The following RORA variants were observed in gnomAD, a reference collection of about 807,000 sequenced individuals.
The protein encoded by RORA is RAR related orphan receptor A, also known as nuclear receptor ROR-alpha.
Under a neutral mutation model 69.5 loss-of-function variants are expected in RORA, and 7 were observed. The ratio of observed to expected loss-of-function variants is 0.10; its 90% CI spans 0.06 to 0.19. The LOEUF is 0.19. Among genes scored for constraint, RORA ranks in the 10% least tolerant of loss-of-function variants. The pLI is 1.00. For synonymous variants in RORA, 261 were observed against 240.8 expected, an observed-to-expected ratio of 1.08 and a Z score of -0.78; for missense variants, 457 against 663.0, an observed-to-expected ratio of 0.69 and a Z score of 3.41.
At chr15:60,996,296 T>C (rs543161829) in intron 1 of RORA, among the ~76,000 whole-genome samples, 21 of 152,204 alleles carry the variant, frequency 1.4e-4, no homozygotes, top group African/African-American at 5.1e-4. Context: ...GGAATCGAAC[T>C]CCTGACCTCA....
At chr15:61,119,286 C>T (rs1182916516) in intron 1 of RORA, among the ~76,000 whole-genome samples, 1 of 152,024 alleles carries the variant, frequency 6.6e-6, no homozygotes, top group South Asian at 2.1e-4. Context: ...GCAACCTCCA[C>T]TTCTGGGCTC....
chr15:60,855,578 C>T (rs1187459054), intron 1 of RORA, among the ~76,000 whole-genome samples: 1 of 151,742 alleles, frequency 6.6e-6, no homozygotes, highest in East Asian at 1.9e-4. Context: ...TGGACCCTTA[C>T]ACTTTATTAT....
chr15:60,987,288 AGGAC>A (rs1894233581), intron 1 of RORA, among the ~76,000 whole-genome samples: 1 of 152,154 alleles, frequency 6.6e-6, no homozygotes, highest in Non-Finnish European at 1.5e-5. Context: ...TCTTTCCTGG[AGGAC>A]GGTCTGTCTA....
chr15:61,122,750 G>C (rs760069181), intron 1 of RORA, among the ~76,000 whole-genome samples: 12 of 152,118 alleles, frequency 7.9e-5, no homozygotes, highest in Non-Finnish European at 1.6e-4. Flanking sequence ...TGCCAAGTGT[G>C]TGGCTAGCAT....
chr15:60,523,051 A>ACAAAAAAAAAACACAC (rs997909734), intron 3 of RORA, among the ~76,000 whole-genome samples: 2 of 87,596 alleles, frequency 2.3e-5, no homozygotes, highest in Non-Finnish European at 4.6e-5. Flanking sequence ...AAAAAAACAC[A>ACAAAAAAAAAACACAC]AAAAAAAAAA....
intron 2 of RORA, among the ~76,000 whole-genome samples, chr15:60,552,351 C>G (rs1449922667): frequency 6.6e-5 from 10 of 152,154 alleles, no homozygotes; most frequent in African/African-American, 2.4e-4. Context: ...AAACCCAAGG[C>G]ATCCCTCGCC....
intron 1 of RORA, among the ~76,000 whole-genome samples, chr15:60,708,353 C>T (rs1177396886): frequency 6.7e-6 from 1 of 148,684 alleles, no homozygotes; most frequent in African/African-American, 2.5e-5. Flanking sequence ...ATCCAGGAGG[C>T]GGAGGTTGCA....
At chr15:60,837,800 G>GA (rs374387488) in intron 1 of RORA, among the ~76,000 whole-genome samples, 69 of 147,246 alleles carry the variant, frequency 4.7e-4, no homozygotes, top group African/African-American at 7.0e-4. Flanking sequence ...CAGGTTGCCA[G>GA]AAAAAAAAAA....
At chr15:60,856,760 G>C (rs1166349054) in intron 1 of RORA, among the ~76,000 whole-genome samples, 1 of 152,214 alleles carries the variant, frequency 6.6e-6, no homozygotes, top group Non-Finnish European at 1.5e-5. Flanking sequence ...GCCTGAATGA[G>C]AAGAGTTTTA....
At chr15:60,715,965 C>G (rs1434509188) in intron 1 of RORA, among the ~76,000 whole-genome samples, 1 of 152,198 alleles carries the variant, frequency 6.6e-6, no homozygotes, top group East Asian at 1.9e-4. Flanking sequence ...CACAAATGAT[C>G]TTACGCTACA....
intron 1 of RORA, among the ~76,000 whole-genome samples, chr15:60,987,160 C>G (rs1275722081): frequency 6.6e-6 from 1 of 152,160 alleles, no homozygotes; most frequent in Non-Finnish European, 1.5e-5. Context: ...GAACAGATTT[C>G]AGGACTAAAG....
chr15:61,186,573 G>A (rs1214508006), intron 1 of RORA, among the ~76,000 whole-genome samples: 2 of 149,426 alleles, frequency 1.3e-5, no homozygotes, highest in Admixed American at 6.7e-5. Flanking sequence ...CCGGGGAGGT[G>A]GAGGTTACAG....
intron 1 of RORA, among the ~76,000 whole-genome samples, chr15:60,978,108 C>G (rs72752802): frequency 6.1e-4 from 92 of 151,220 alleles, no homozygotes; most frequent in African/African-American, 1.8e-3. Flanking sequence ...TACTTCACAT[C>G]TTCTTCAATC....
At chr15:60,689,590 T>G (rs959659514) in intron 1 of RORA, among the ~76,000 whole-genome samples, 2 of 152,198 alleles carry the variant, frequency 1.3e-5, no homozygotes, top group Admixed American at 6.5e-5. Flanking sequence ...CATTTGGAAA[T>G]CATATCTTTA....
intron 1 of RORA, among the ~76,000 whole-genome samples, chr15:61,106,035 T>C (rs187960620): frequency 6.6e-6 from 1 of 152,316 alleles, no homozygotes; most frequent in Admixed American, 6.5e-5. Context: ...TTCCCACTGG[T>C]GTCAGGCAGA....
intron 1 of RORA, among the ~76,000 whole-genome samples, chr15:60,835,804 G>C (rs1460246678): frequency 1.3e-5 from 2 of 152,200 alleles, no homozygotes; most frequent in Non-Finnish European, 2.9e-5. Context: ...CAACCAAGTA[G>C]ATGACTGGCC....
At chr15:60,952,109 A>C (rs1441047243) in intron 1 of RORA, among the ~76,000 whole-genome samples, 2 of 151,218 alleles carry the variant, frequency 1.3e-5, no homozygotes, top group Non-Finnish European at 1.5e-5. Flanking sequence ...AGTGGGCTTC[A>C]TCCCTGGGAT....
intron 1 of RORA, among the ~76,000 whole-genome samples, chr15:60,749,368 A>G (rs2071690761): frequency 6.6e-6 from 1 of 152,234 alleles, no homozygotes; most frequent in Non-Finnish European, 1.5e-5. Context: ...CTAAGCAGGG[A>G]TGAAATGTAA....
At chr15:60,818,315 G>C (rs1238084846) in intron 1 of RORA, among the ~76,000 whole-genome samples, 2 of 152,086 alleles carry the variant, frequency 1.3e-5, no homozygotes, top group African/African-American at 4.8e-5. Context: ...TTATTTTTCA[G>C]GAATTTTCCA....
Sources: allele counts gnomAD v4.1 joint callset (sites outside exome capture counted in the v4.1 genomes callset), GRCh38; gene constraint gnomAD v4.1.1; transcripts MANE v1.5; gene names NCBI Gene and HGNC (gene_info 2026-07-23, HGNC 2026-07-21).